The following RETREG3 variants were observed in gnomAD, a reference collection of about 807,000 sequenced individuals.
The protein encoded by RETREG3 is reticulophagy regulator family member 3, also known as reticulophagy regulator 3.
In RETREG3, 23 loss-of-function variants were observed where a neutral mutation model predicts 50.2. That is an observed-to-expected ratio of 0.46 (90% CI 0.33 to 0.65). The LOEUF (loss-of-function observed/expected upper bound fraction) is 0.65. Ranked by LOEUF, RETREG3 falls within the 30% of genes least tolerant of loss-of-function variation. The pLI is 0.02. For synonymous variants in RETREG3, 240 were observed against 234.4 expected, an observed-to-expected ratio of 1.02 and a Z score of -0.22; for missense variants, 546 against 598.0, an observed-to-expected ratio of 0.91 and a Z score of 0.91.
chr17:42,587,659 G>C, intron 3 of RETREG3, 175 bp downstream of exon 3: 1 of 684,302 alleles, frequency 1.5e-6, no homozygotes, highest in East Asian at 2.8e-5. Flanking sequence ...GAGGACACAG[G>C]CCATCTCAAC....
At chr17:42,605,519 G>A (rs186884371) in intron 1 of RETREG3, among the ~76,000 whole-genome samples, 3 of 152,120 alleles carry the variant, frequency 2.0e-5, no homozygotes, top group African/African-American at 4.8e-5. Context: ...ACTAGAATGT[G>A]AAGCCCAAAT....
intron 5 of RETREG3, among the ~76,000 whole-genome samples, chr17:42,585,735 T>G (rs531683522): frequency 6.6e-6 from 1 of 152,086 alleles, no homozygotes; most frequent in Admixed American, 6.5e-5. Flanking sequence ...CCCCTAAGAG[T>G]TATGTTCTGC....
rs760569752 is a variant in RETREG3 at position 42,609,364 on chromosome 17, C to T, written c.-40G>A. ...CACAACATCCGGGGCCGTGGCCCGACAAGTCACAATAACAGCAACTGCGCA... is the reference window on the plus strand; with the variant it reads ...CACAACATCCGGGGCCGTGGCCCGATAAGTCACAATAACAGCAACTGCGCA... On this transcript the variant is annotated 5_prime_UTR_variant, in exon 1 of 9. Coordinates refer to ENST00000309428, the MANE Select transcript of RETREG3 (RefSeq NM_178126.4). 8 of 1,566,428 alleles carry T rather than the reference C, an allele frequency of 5.1e-6. No individual in the cohort carries two copies. Among genetic ancestry groups the T allele is most frequent in the African/African-American group, 2.7e-5 (2 of 73,890 alleles).
chr17:42,603,571 A>G (rs557423389), intron 1 of RETREG3, among the ~76,000 whole-genome samples: 7 of 152,328 alleles, frequency 4.6e-5, no homozygotes, highest in Middle Eastern at 3.4e-3. Context: ...ACTAAAGGTA[A>G]AGAGAGGGGA....
chr17:42,587,652 G>C, intron 3 of RETREG3, 182 bp downstream of exon 3: 1 of 655,584 alleles, frequency 1.5e-6, no homozygotes. Context: ...AAGATCAGAG[G>C]ACACAGGCCA....
chr17:42,586,182 G>A (rs770642588), intron 4 of RETREG3, 45 bp from the exon 5 acceptor site: 2 of 1,586,474 alleles, frequency 1.3e-6, no homozygotes, highest in South Asian at 1.1e-5. Flanking sequence ...ACATGGCAGG[G>A]GACTGGGGTG....
chr17:42,586,734 G>C lies in RETREG3; in HGVS notation c.504+31C>G, dbSNP rs1221554604. ...TAGCATGAACTGAACTGAGAGGCCA[G>C]AGATGAAAGTGAAAAAGGGAAGAGT... On this transcript the variant is annotated intron_variant, in intron 4 of 8. Coordinates refer to ENST00000309428, the MANE Select transcript of RETREG3 (RefSeq NM_178126.4). 7 of 1,610,282 alleles carry C rather than the reference G, an allele frequency of 4.3e-6. No individual in the cohort carries two copies. The South Asian group carries it at 7.7e-5, about 18-fold the overall frequency.
In RETREG3 at chr17:42,595,407, T is replaced by A. The variant is rs569209087; in HGVS notation, c.240-3245A>T. 7.9e-5 allele frequency among the ~76,000 whole-genome samples: 12 copies of A among 151,676 alleles called. No homozygotes were observed. The Middle Eastern group carries it at 0.014, about 172-fold the overall frequency. On this transcript the variant is annotated intron_variant, in intron 1 of 8. Transcript: ENST00000309428. ...CATGAGCCACCGCACTCTGGCCCTT[T>A]TTTTTTTCTTCAGAGTCTTGCTCTT...
chr17:42,596,182 A>G (rs1567924642), intron 1 of RETREG3, among the ~76,000 whole-genome samples: 1 of 151,376 alleles, frequency 6.6e-6, no homozygotes, highest in Non-Finnish European at 1.5e-5. Context: ...CAGCCTGGAC[A>G]ATATAGTGAG....
intron 1 of RETREG3, among the ~76,000 whole-genome samples, chr17:42,602,961 G>A (rs1336892281): frequency 6.6e-6 from 1 of 151,988 alleles, no homozygotes. Context: ...AAAAACTTAA[G>A]ATAGAAATTA....
intron 8 of RETREG3, 69 bp downstream of exon 8, chr17:42,582,605 C>A: frequency 6.3e-7 from 1 of 1,597,408 alleles, no homozygotes; most frequent in South Asian, 1.1e-5. Context: ...ACCAGTATCC[C>A]CTCTGTTCAG....
rs202005459 is a variant in RETREG3, at chr17:42,590,409, C to T, written c.346+1647G>A. Among the ~76,000 whole-genome samples the T allele has an allele frequency of 5.9e-5, 9 of 152,048 alleles. No individual in the cohort carries two copies. The East Asian group carries it at 1.7e-3, about 29-fold the overall frequency. ...GAATAGGGCTGGGCGCGGTGACTCA[C>T]GTCTGTAATCCCAGTACTTTGGAAG... On this transcript the variant is annotated intron_variant, in intron 2 of 8. Transcript: ENST00000309428.
At position 42,583,919 on chromosome 17, in the gene RETREG3, T is replaced by G. The variant is rs371342129; in HGVS notation, c.728-339A>C. On this transcript the variant is annotated intron_variant, in intron 6 of 8. Transcript: ENST00000309428. Reference sequence around the variant, plus strand: ...GCCTCTTGGATTCAAGCAATACTCCTGTCTCAGCCTCCTGAGTAGCTGAGA... The same window carrying G: ...GCCTCTTGGATTCAAGCAATACTCCGGTCTCAGCCTCCTGAGTAGCTGAGA... Among the ~76,000 whole-genome samples, 4 of 152,216 alleles carry G rather than the reference T, an allele frequency of 2.6e-5. No individual in the cohort carries two copies. The East Asian group carries it at 7.7e-4, about 29-fold the overall frequency.
At chr17:42,599,862 C>T (rs1403945353) in intron 1 of RETREG3, among the ~76,000 whole-genome samples, 4 of 151,710 alleles carry the variant, frequency 2.6e-5, no homozygotes, top group African/African-American at 4.8e-5. Flanking sequence ...GGCATAGTGG[C>T]GGGCACCTGT....
intron 1 of RETREG3, among the ~76,000 whole-genome samples, chr17:42,597,905 C>T (rs1243621401): frequency 6.6e-6 from 1 of 151,004 alleles, no homozygotes; most frequent in Admixed American, 6.6e-5. Flanking sequence ...GTTGGGATTA[C>T]AGGCATAAGC....
At chr17:42,586,434 T>A (rs950955517) in intron 4 of RETREG3, 13 of 419,322 alleles carry the variant, frequency 3.1e-5, no homozygotes, top group African/African-American at 2.6e-4. Flanking sequence ...GTTTTTTAAG[T>A]CAACAGAAAC....
intron 2 of RETREG3, 151 bp downstream of exon 2, chr17:42,591,905 G>T: frequency 1.7e-6 from 1 of 589,730 alleles, no homozygotes; most frequent in African/African-American, 1.9e-5. Context: ...TGGGGCACAA[G>T]CCCTTCAAGT....
At chr17:42,591,262 G>A (rs1165771566) in intron 2 of RETREG3, among the ~76,000 whole-genome samples, 4 of 151,746 alleles carry the variant, frequency 2.6e-5, no homozygotes, top group African/African-American at 4.8e-5. Context: ...TGTGGTGCTG[G>A]TCTATAATTG....
chr17:42,605,549 T>C (rs1050789567), intron 1 of RETREG3, among the ~76,000 whole-genome samples: 2 of 152,146 alleles, frequency 1.3e-5, no homozygotes, highest in Admixed American at 1.3e-4. Context: ...AATCTCTAAT[T>C]ACCTACCAAG....
Sources: allele counts gnomAD v4.1 joint callset (sites outside exome capture counted in the v4.1 genomes callset), GRCh38; gene constraint gnomAD v4.1.1; transcripts MANE v1.5; gene names NCBI Gene and HGNC (gene_info 2026-07-23, HGNC 2026-07-21).